TMEM87A: variants seen among roughly 807,000 people sequenced by gnomAD.
TMEM87A encodes Golgi-pH regulating cation channel.
A neutral mutation model predicts 90.0 loss-of-function variants in TMEM87A; 50 were observed. That is an observed-to-expected ratio of 0.56 (90% CI 0.44 to 0.70). The LOEUF (loss-of-function observed/expected upper bound fraction) is 0.70, where lower values mean the gene tolerates loss of function less well. Among genes scored for constraint, TMEM87A ranks in the 30% least tolerant of loss-of-function variants. TMEM87A has a pLI of 0.00. For missense variants in TMEM87A, 577 were observed against 660.5 expected (o/e 0.87, Z 1.39); for synonymous variants, 226 against 226.7 (o/e 1.00, Z 0.03).
chr15:42,222,582 G>A (rs1364013031), intron 15 of TMEM87A, among the ~76,000 whole-genome samples: 1 of 150,776 alleles, frequency 6.6e-6, no homozygotes, highest in African/African-American at 2.4e-5. Flanking sequence ...TTTTGAGACA[G>A]AGTTTCTCTC....
intron 6 of TMEM87A, chr15:42,258,555 T>A (rs1308677982): frequency 2.8e-6 from 1 of 360,684 alleles, no homozygotes; most frequent in Non-Finnish European, 4.0e-6. Flanking sequence ...GCCTCCTGAG[T>A]AGCTTGGATT....
At chr15:42,247,051 T>C (rs1427522685) in intron 6 of TMEM87A, among the ~76,000 whole-genome samples, 1 of 14,104 alleles carries the variant, frequency 7.1e-5, no homozygotes, top group Admixed American at 2.0e-3. Flanking sequence ...CCAGTGATGA[T>C]GAGCATTTTT....
At chr15:42,267,538 T>C (rs551441567) in intron 3 of TMEM87A, among the ~76,000 whole-genome samples, 6 of 152,304 alleles carry the variant, frequency 3.9e-5, no homozygotes, top group Admixed American at 6.5e-5. Context: ...AAGAATACAG[T>C]GATCTTCTGT....
chr15:42,269,791 CCGGGCGCGG>C, intron 2 of TMEM87A, among the ~76,000 whole-genome samples: 2 of 147,762 alleles, frequency 1.4e-5, no homozygotes. Context: ...AAAAAATTAG[CCGGGCGCGG>C]TGGCGGGCGC....
At chr15:42,230,623 T>G (rs1472288391) in intron 12 of TMEM87A, among the ~76,000 whole-genome samples, 1 of 152,228 alleles carries the variant, frequency 6.6e-6, no homozygotes, top group African/African-American at 2.4e-5. Flanking sequence ...TGCCTGTAAA[T>G]GAATCAATTA....
Position 42,211,563 on chromosome 15 carries a change from C to T in TMEM87A, c.*145G>A. 1 of 752,826 alleles carries T rather than the reference C, an allele frequency of 1.3e-6. No homozygotes were observed. The allele number at this position is 752,826 out of a possible 1,614,324, so 46.6% of individuals were successfully genotyped here. A position where few individuals can be genotyped will look rare whatever the true frequency, so the allele number is the denominator to read the frequency against. ...AGATGTTCTCTTTGTTCTGACACCT[C>T]TCGCCAACTCCAATGCCCAAAGATC... On this transcript the variant is annotated 3_prime_UTR_variant, in exon 20 of 20. Coordinates refer to ENST00000389834, the MANE Select transcript of TMEM87A (RefSeq NM_015497.5).
intron 6 of TMEM87A, among the ~76,000 whole-genome samples, chr15:42,250,809 C>T (rs750279960): frequency 2.0e-5 from 3 of 152,138 alleles, no homozygotes; most frequent in African/African-American, 4.8e-5. Context: ...GGGAAGTTCT[C>T]CTAGATAATA....
chr15:42,229,073 G>A (rs990691028), intron 12 of TMEM87A, among the ~76,000 whole-genome samples: 2 of 151,950 alleles, frequency 1.3e-5, no homozygotes, highest in Non-Finnish European at 2.9e-5. Flanking sequence ...CACAATCACG[G>A]CTCACTGCAG....
At chr15:42,230,503 T>C (rs144618335) in intron 12 of TMEM87A, among the ~76,000 whole-genome samples, 57 of 152,314 alleles carry the variant, frequency 3.7e-4, no homozygotes, top group Admixed American at 1.0e-3. Context: ...GTCCAAAAAC[T>C]TGAATCCTTT....
intron 15 of TMEM87A, among the ~76,000 whole-genome samples, chr15:42,223,463 C>T (rs775805950): frequency 2.6e-5 from 4 of 152,204 alleles, no homozygotes; most frequent in Admixed American, 1.3e-4. Flanking sequence ...CCCTCCAAAA[C>T]TCATGTTGAA....
chr15:42,222,470 C>T (rs1365925118), intron 15 of TMEM87A, among the ~76,000 whole-genome samples: 1 of 152,114 alleles, frequency 6.6e-6, no homozygotes, highest in Admixed American at 6.5e-5. Context: ...TAGGGTAATT[C>T]AGACAGTGTG....
At chr15:42,255,248 C>T (rs992627370) in intron 6 of TMEM87A, among the ~76,000 whole-genome samples, 64 of 152,118 alleles carry the variant, frequency 4.2e-4, no homozygotes, top group Non-Finnish European at 5.4e-4. Context: ...ATTCTCCTGC[C>T]TCAGCCTCCC....
intron 6 of TMEM87A, 140 bp downstream of exon 6, chr15:42,260,818 T>C: frequency 1.1e-6 from 1 of 876,782 alleles, no homozygotes; most frequent in Non-Finnish European, 1.7e-6. Context: ...ATCCAACCAT[T>C]TTTAACATTT....
chr15:42,232,496 C>T (rs1434286349), intron 11 of TMEM87A, among the ~76,000 whole-genome samples: 5 of 151,830 alleles, frequency 3.3e-5, no homozygotes, highest in Admixed American at 2.0e-4. Context: ...TTTTTTGAGA[C>T]GGAGTCTTGC....
intron 6 of TMEM87A, among the ~76,000 whole-genome samples, chr15:42,247,993 G>T (rs2051010552): frequency 6.6e-6 from 1 of 152,086 alleles, no homozygotes; most frequent in African/African-American, 2.4e-5. Context: ...CCTTGAAGAG[G>T]TTCTTCACAT....
chr15:42,273,087 G>C, intron 1 of TMEM87A, 168 bp downstream of exon 1: 3 of 783,338 alleles, frequency 3.8e-6, no homozygotes, highest in Non-Finnish European at 6.2e-6. Flanking sequence ...AGAAGTGCGC[G>C]GCTTTCCACT....
chr15:42,269,421 T>C (rs977315037), intron 2 of TMEM87A, among the ~76,000 whole-genome samples: 19 of 152,242 alleles, frequency 1.2e-4, no homozygotes, highest in Non-Finnish European at 2.6e-4. Context: ...AGGACTCTAT[T>C]AGAATGTTCA....
chr15:42,261,459 T>C (rs935791629), intron 4 of TMEM87A, among the ~76,000 whole-genome samples: 5 of 152,066 alleles, frequency 3.3e-5, no homozygotes, highest in African/African-American at 1.2e-4. Context: ...CAAACCAAAA[T>C]GGCCATTCAA....
chr15:42,242,528 AG>A (rs2050890701), intron 7 of TMEM87A, among the ~76,000 whole-genome samples: 1 of 146,656 alleles, frequency 6.8e-6, no homozygotes, highest in Non-Finnish European at 1.5e-5. Flanking sequence ...GGAGAGGGAC[AG>A]GGAGAGAGGG....
Sources: allele counts gnomAD v4.1 joint callset (sites outside exome capture counted in the v4.1 genomes callset), GRCh38; gene constraint gnomAD v4.1.1; transcripts MANE v1.5; gene names NCBI Gene and HGNC (gene_info 2026-07-23, HGNC 2026-07-21).